SLC30A7: variants seen among roughly 807,000 people sequenced by gnomAD.
SLC30A7 encodes the protein solute carrier family 30 member 7, also known as zinc transporter 7.
Under a neutral mutation model 46.0 loss-of-function variants are expected in SLC30A7, and 35 were observed. The observed-to-expected ratio is 0.76, with a 90% CI of 0.58 to 1.01. SLC30A7 has a LOEUF of 1.01. SLC30A7 is among the 50% of genes least tolerant of loss of function. SLC30A7 has a pLI of 0.00. For missense variants in SLC30A7, 464 were observed against 451.1 expected (o/e 1.03, Z -0.26); for synonymous variants, 147 against 157.8 (o/e 0.93, Z 0.51).
At position 100,964,294 on chromosome 1, in the gene SLC30A7, A is replaced by G. The variant is rs147631120; in HGVS notation, c.934-1475A>G. On this transcript the variant is annotated intron_variant, in intron 9 of 10. Transcript: ENST00000357650. ...ATATAACCTATAACATATATGTTAT[A>G]TAACTTATGTAACCTATATATGTTA... Among the ~76,000 whole-genome samples the G allele has an allele frequency of 4.6e-3, 684 of 147,168 alleles. 4 individuals are homozygous for G. The highest frequency in any genetic ancestry group is 6.2e-3 in the Non-Finnish European group (416 of 67,138).
At chr1:100,911,623 T>C (rs1652100730) in intron 4 of SLC30A7, among the ~76,000 whole-genome samples, 1 of 152,222 alleles carries the variant, frequency 6.6e-6, no homozygotes, top group South Asian at 2.1e-4. Context: ...CGATCTCGGC[T>C]TACTGCAACT....
chr1:100,979,506 A>G lies in SLC30A7; in HGVS notation c.*4649A>G, dbSNP rs1656798241. On this transcript the variant is annotated 3_prime_UTR_variant, in exon 11 of 11. Coordinates refer to ENST00000357650, the MANE Select transcript of SLC30A7 (RefSeq NM_133496.5). ...TTCTAGTTAAAGCCAAATGGATGTG[A>G]GTCTGACAAGGGTGTCTTTGATTTA... 6.6e-6 allele frequency: 1 copy of G among 151,382 alleles called. No individual in the cohort carries two copies. The highest frequency in any genetic ancestry group is 2.4e-5 in the African/African-American group (1 of 41,294). 9.4% of individuals were successfully genotyped at this position (151,382 alleles called of 1,614,324 possible). A position where few individuals can be genotyped will look rare whatever the true frequency, so the allele number is the denominator to read the frequency against.
At chr1:100,972,281 C>A (rs1305955965) in intron 10 of SLC30A7, 1 of 359,444 alleles carries the variant, frequency 2.8e-6, no homozygotes, top group Non-Finnish European at 5.8e-6. Flanking sequence ...TTAAAGGAAA[C>A]TGGAAGAGGA....
At chr1:100,973,680 T>G (rs1351215828) in intron 10 of SLC30A7, among the ~76,000 whole-genome samples, 4 of 152,188 alleles carry the variant, frequency 2.6e-5, no homozygotes, top group Admixed American at 2.0e-4. Flanking sequence ...TATTTTTTTC[T>G]TTAGCCTTTG....
At position 100,978,759 on chromosome 1, in the gene SLC30A7, T is replaced by C. The variant is rs1394253691; in HGVS notation, c.*3902T>C. 2 of 152,242 alleles carry C rather than the reference T, an allele frequency of 1.3e-5. No homozygotes were observed. The highest frequency in any genetic ancestry group is 4.8e-5 in the African/African-American group (2 of 41,466). The allele number at this position is 152,242 out of a possible 1,614,324, so 9.4% of individuals were successfully genotyped here. ...ACTTTATAAATGGACTTTTATTGTC[T>C]CATTTTTCGTATATAATTATTTCCA... On this transcript the variant is annotated 3_prime_UTR_variant, in exon 11 of 11. Coordinates refer to ENST00000357650, the MANE Select transcript of SLC30A7 (RefSeq NM_133496.5).
chr1:100,915,163 CTT>C (rs1454242939), intron 6 of SLC30A7, among the ~76,000 whole-genome samples: 6 of 142,502 alleles, frequency 4.2e-5, no homozygotes, highest in African/African-American at 1.6e-4. Context: ...CCCTTCCTCA[CTT>C]CTTTTCTTTT....
chr1:100,939,031 G>A (rs1557994496), intron 8 of SLC30A7, among the ~76,000 whole-genome samples: 1 of 152,174 alleles, frequency 6.6e-6, no homozygotes, highest in African/African-American at 2.4e-5. Flanking sequence ...TAAATCAATA[G>A]ATAATTCCTT....
At chr1:100,937,332 AT>A (rs1172415263) in intron 8 of SLC30A7, among the ~76,000 whole-genome samples, 1 of 152,072 alleles carries the variant, frequency 6.6e-6, no homozygotes, top group East Asian at 1.9e-4. Flanking sequence ...TCTGTTTTTA[AT>A]TTTTTGAGAA....
intron 6 of SLC30A7, among the ~76,000 whole-genome samples, chr1:100,917,618 A>G (rs898358260): frequency 6.6e-6 from 1 of 152,208 alleles, no homozygotes; most frequent in African/African-American, 2.4e-5. Flanking sequence ...AATTATTTTT[A>G]TCTCTTCTGT....
intron 10 of SLC30A7, 22 bp from the exon 11 acceptor site, chr1:100,974,788 T>C (rs781452209): frequency 2.0e-6 from 3 of 1,468,082 alleles, no homozygotes; most frequent in Middle Eastern, 3.6e-4. Flanking sequence ...ATTTTCTAAC[T>C]TTTTTTTTTC....
At chr1:100,896,936 A>C (rs537925901) in intron 2 of SLC30A7, among the ~76,000 whole-genome samples, 13 of 152,006 alleles carry the variant, frequency 8.6e-5, no homozygotes, top group South Asian at 2.1e-4. Flanking sequence ...TCCTTATTTT[A>C]GCAGATGGGC....
At chr1:100,987,082 A>C in the SLC30A7 span, among the ~76,000 whole-genome samples, 4 of 152,230 alleles carry the variant, frequency 2.6e-5, no homozygotes, top group African/African-American at 9.6e-5. Flanking sequence ...TGCCAGATTT[A>C]GCAGACAGAG....
rs548320305 is a variant in SLC30A7 at position 100,908,012 on chromosome 1, T to G, written c.296+1047T>G. Among the ~76,000 whole-genome samples the G allele has an allele frequency of 2.1e-4, 32 of 152,102 alleles. No individual in the cohort carries two copies. In the South Asian group the frequency reaches 2.9e-3, roughly 14 times the overall value. On this transcript the variant is annotated intron_variant, in intron 3 of 10. Coordinates refer to ENST00000357650, the MANE Select transcript of SLC30A7 (RefSeq NM_133496.5). Reference sequence around the variant, plus strand: ...ATCTGTCAGGCTCAATCTCTCCTCCTCCTCTTCTCTTAACTTCTTTAGCTC... The same window carrying G: ...ATCTGTCAGGCTCAATCTCTCCTCCGCCTCTTCTCTTAACTTCTTTAGCTC...
At position 100,976,399 on chromosome 1, in the gene SLC30A7, G is replaced by A. The variant is rs1656510897; in HGVS notation, c.*1542G>A. On this transcript the variant is annotated 3_prime_UTR_variant, in exon 11 of 11. Transcript: ENST00000357650. ...AAAGGTACAGAGGAAATGTGGTGAT[G>A]TAGAACTTTTCCTAACACAGGTATC... is the stretch of plus-strand genomic sequence containing the variant. The A allele has an allele frequency of 6.6e-6, 1 of 152,214 alleles. No homozygotes were observed. 9.4% of individuals were successfully genotyped at this position (152,214 alleles called of 1,614,324 possible).
chr1:100,924,440 A>C (rs922190261), intron 8 of SLC30A7, among the ~76,000 whole-genome samples: 5 of 151,686 alleles, frequency 3.3e-5, no homozygotes, highest in African/African-American at 7.3e-5. Flanking sequence ...TGTATGTATC[A>C]CAATTACTCA....
intron 10 of SLC30A7, chr1:100,972,290 GA>G: frequency 5.6e-6 from 2 of 358,050 alleles, no homozygotes; most frequent in Non-Finnish European, 1.2e-5. Context: ...ACTGGAAGAG[GA>G]AAATGAGAAT....
intron 8 of SLC30A7, among the ~76,000 whole-genome samples, chr1:100,936,960 T>G (rs1227452683): frequency 6.6e-6 from 1 of 152,202 alleles, no homozygotes; most frequent in Non-Finnish European, 1.5e-5. Context: ...TGATTCCACT[T>G]CTGAATATTT....
chr1:100,931,600 G>A (rs2101045737), intron 8 of SLC30A7, among the ~76,000 whole-genome samples: 1 of 152,090 alleles, frequency 6.6e-6, no homozygotes, highest in Admixed American at 6.5e-5. Flanking sequence ...GTTTAGTACT[G>A]TGCTCTTATT....
intron 8 of SLC30A7, among the ~76,000 whole-genome samples, chr1:100,947,299 T>A (rs1233339821): frequency 6.6e-6 from 1 of 152,212 alleles, no homozygotes; most frequent in Non-Finnish European, 1.5e-5. Flanking sequence ...TATTTCTGCC[T>A]TCATTTCATT....
Sources: allele counts gnomAD v4.1 joint callset (sites outside exome capture counted in the v4.1 genomes callset), GRCh38; gene constraint gnomAD v4.1.1; transcripts MANE v1.5; gene names NCBI Gene and HGNC (gene_info 2026-07-23, HGNC 2026-07-21).